The following TSHZ1 variants were observed in gnomAD, a reference collection of about 807,000 sequenced individuals.
The protein encoded by TSHZ1 is teashirt zinc finger homeobox 1, also known as teashirt homolog 1.
Under a neutral mutation model 67.1 loss-of-function variants are expected in TSHZ1, and 12 were observed. That is an observed-to-expected ratio of 0.18 (90% CI 0.11 to 0.29). The LOEUF (loss-of-function observed/expected upper bound fraction) is 0.29. TSHZ1 is among the 10% of genes least tolerant of loss of function. TSHZ1 has a pLI of 1.00. For synonymous variants in TSHZ1, 632 were observed against 622.4 expected, an observed-to-expected ratio of 1.02 and a Z score of -0.23; for missense variants, 1,305 against 1,413.9, an observed-to-expected ratio of 0.92 and a Z score of 1.23.
intron 1 of TSHZ1, among the ~76,000 whole-genome samples, chr18:75,229,911 A>T (rs188518249): frequency 5.3e-5 from 8 of 152,372 alleles, no homozygotes; most frequent in Admixed American, 3.9e-4. Flanking sequence ...AAACAGGAAA[A>T]TACCATCTGG....
intron 1 of TSHZ1, among the ~76,000 whole-genome samples, chr18:75,279,966 C>T (rs1320289015): frequency 6.6e-6 from 1 of 152,128 alleles, no homozygotes; most frequent in Non-Finnish European, 1.5e-5. Flanking sequence ...TACAGATATT[C>T]GTGAAGAACC....
At chr18:75,213,867 G>A (rs1300161122) in intron 1 of TSHZ1, among the ~76,000 whole-genome samples, 1 of 152,168 alleles carries the variant, frequency 6.6e-6, no homozygotes, top group African/African-American at 2.4e-5. Flanking sequence ...TCAAAATGCT[G>A]CAAAGTGATG....
At chr18:75,241,318 A>G (rs187342628) in intron 1 of TSHZ1, among the ~76,000 whole-genome samples, 240 of 152,222 alleles carry the variant, frequency 1.6e-3, no homozygotes, top group African/African-American at 5.7e-3. Context: ...CTCCCCTGTA[A>G]AAGCGATTGG....
At chr18:75,262,654 C>CA (rs2023444704) in intron 1 of TSHZ1, among the ~76,000 whole-genome samples, 1 of 152,210 alleles carries the variant, frequency 6.6e-6, no homozygotes, top group Admixed American at 6.5e-5. Flanking sequence ...ATGCAACGTT[C>CA]ACTCTGGGAT....
At chr18:75,248,037 G>A (rs1240075672) in intron 1 of TSHZ1, among the ~76,000 whole-genome samples, 1 of 152,124 alleles carries the variant, frequency 6.6e-6, no homozygotes, top group Non-Finnish European at 1.5e-5. Flanking sequence ...AAGCGCACTA[G>A]CCAAATAATT....
chr18:75,285,408 G>T, intron 1 of TSHZ1, 40 bp from the exon 2 acceptor site: 1 of 1,424,050 alleles, frequency 7.0e-7, no homozygotes, highest in South Asian at 1.6e-5. Flanking sequence ...CTTTGAAGAT[G>T]ATTTACTTCT....
chr18:75,228,759 C>T (rs946476349), intron 1 of TSHZ1, among the ~76,000 whole-genome samples: 9 of 152,186 alleles, frequency 5.9e-5, no homozygotes, highest in Non-Finnish European at 1.0e-4. Context: ...AACCTCTCAA[C>T]GGTTGGTCCT....
chr18:75,218,764 G>A (rs1007041153), intron 1 of TSHZ1, among the ~76,000 whole-genome samples: 20 of 152,212 alleles, frequency 1.3e-4, no homozygotes, highest in African/African-American at 4.8e-4. Context: ...CCGGGACAAG[G>A]CTCAAGTTCA....
At position 75,264,484 on chromosome 18, in the gene TSHZ1, ATTTTTT is replaced by A. The variant is rs60144564; in HGVS notation, c.41-20950_41-20945del. On this transcript the variant is annotated intron_variant, in intron 1 of 1. Transcript: ENST00000580243. ...CTCCCAGGAACTATTACACTGACAGATTTTTTTTTTTTTTTTTTTAAGTGTAGGAGA... is the reference window on the plus strand; with the variant it reads ...CTCCCAGGAACTATTACACTGACAGATTTTTTTTTTTTTAAGTGTAGGAGA... Among the ~76,000 whole-genome samples the A allele has an allele frequency of 9.5e-3, 1,390 of 146,284 alleles. 14 individuals are homozygous for A. The highest frequency in any genetic ancestry group is 0.023 in the African/African-American group (920 of 39,654).
In TSHZ1 at chr18:75,288,695, A is replaced by C. The variant is rs1029192345; in HGVS notation, c.*54A>C. On this transcript the variant is annotated 3_prime_UTR_variant, in exon 2 of 2. Coordinates refer to ENST00000580243, the MANE Select transcript of TSHZ1 (RefSeq NM_001308210.2). The surrounding 1 kb of genome is among the most constrained non-coding windows in gnomAD (Gnocchi z 4.9). ...ATTGCACTAAACGTCGTCGAGCTGC[A>C]CTAGGCCTGGCCTGAGCCTCTGAAA... 1.3e-6 allele frequency: 2 copies of C among 1,526,492 alleles called. No individual in the cohort carries two copies. Among genetic ancestry groups the C allele is most frequent in the Non-Finnish European group, 1.8e-6 (2 of 1,138,872 alleles). 94.6% of individuals were successfully genotyped at this position (1,526,492 alleles called of 1,614,324 possible).
chr18:75,279,708 G>A (rs1377358708), intron 1 of TSHZ1, among the ~76,000 whole-genome samples: 1 of 152,314 alleles, frequency 6.6e-6, no homozygotes, highest in East Asian at 1.9e-4. Flanking sequence ...CATCCCTGAT[G>A]GTTCCAAATC....
In TSHZ1 at chr18:75,285,518, T is replaced by C; in HGVS notation, c.111T>C (p.Ser37=). 1 of 1,545,928 alleles carries C rather than the reference T, an allele frequency of 6.5e-7. No individual in the cohort carries two copies. The highest frequency in any genetic ancestry group is 1.9e-5 in the Admixed American group (1 of 53,370). The stretch of plus-strand genomic sequence containing the variant: ...AGCACGTGGAGGATGACGGGCTGTC[T>C]TTGGACATTCAGGAAAGTGAGTACA... The part of the protein sequence containing the change: ...DEEHVEDDGL[S]LDIQESEYMC... The change falls in exon 2 of 2, where the codon TCT becomes TCC. Residue 37 remains serine, a synonymous_variant. Coordinates refer to ENST00000580243, the MANE Select transcript of TSHZ1 (RefSeq NM_001308210.2).
chr18:75,241,969 C>T (rs1366597384), intron 1 of TSHZ1, among the ~76,000 whole-genome samples: 1 of 148,472 alleles, frequency 6.7e-6, no homozygotes, highest in Admixed American at 6.8e-5. Flanking sequence ...CCCAGCTTAA[C>T]TAATTATATC....
At chr18:75,275,968 T>C (rs1029469396) in intron 1 of TSHZ1, among the ~76,000 whole-genome samples, 4 of 152,234 alleles carry the variant, frequency 2.6e-5, no homozygotes, top group African/African-American at 9.6e-5. Flanking sequence ...CTCTTTTTCT[T>C]CCTGACACCA....
At chr18:75,257,797 TC>T (rs1352569527) in intron 1 of TSHZ1, among the ~76,000 whole-genome samples, 1 of 152,176 alleles carries the variant, frequency 6.6e-6, no homozygotes, top group African/African-American at 2.4e-5. Flanking sequence ...TTGCACATGT[TC>T]CCGTGGTAAC....
At chr18:75,246,667 T>C (rs1264030079) in intron 1 of TSHZ1, among the ~76,000 whole-genome samples, 1 of 152,100 alleles carries the variant, frequency 6.6e-6, no homozygotes, top group Non-Finnish European at 1.5e-5. Context: ...TGGCTTCAGT[T>C]CTCTGTGTGG....
Position 75,211,843 on chromosome 18 carries a change from GCGGCTGAGGCGA to G in TSHZ1, c.-27_-16del. On this transcript the variant is annotated 5_prime_UTR_variant, in exon 1 of 2. It removes the in-frame stop codon of an upstream open reading frame in the 5' UTR. Coordinates refer to ENST00000580243, the MANE Select transcript of TSHZ1 (RefSeq NM_001308210.2). ...TCCCCGCGCCCCGCGAACTCCGGCG[GCGGCTGAGGCGA>G]CGGCTGCGGCGGCCGAGCAGCATGC... 2.6e-6 allele frequency: 3 copies of G among 1,142,882 alleles called. No individual in the cohort carries two copies. The highest frequency in any genetic ancestry group is 3.2e-6 in the Non-Finnish European group (3 of 931,430). The allele number at this position is 1,142,882 out of a possible 1,614,324, so 70.8% of individuals were successfully genotyped here.
intron 1 of TSHZ1, among the ~76,000 whole-genome samples, chr18:75,222,828 CTTG>C (rs1165039460): frequency 2.0e-5 from 3 of 152,086 alleles, no homozygotes; most frequent in Admixed American, 1.3e-4. Flanking sequence ...AAAGTAGGAT[CTTG>C]TTGTGGTGTT....
At chr18:75,217,463 T>G (rs2022785286) in intron 1 of TSHZ1, among the ~76,000 whole-genome samples, 1 of 152,186 alleles carries the variant, frequency 6.6e-6, no homozygotes, top group South Asian at 2.1e-4. Context: ...TTGTTTTGTT[T>G]TGGTTTCTTG....
Sources: allele counts gnomAD v4.1 joint callset (sites outside exome capture counted in the v4.1 genomes callset), GRCh38; gene constraint gnomAD v4.1.1; non-coding constraint Gnocchi (gnomAD v3.1); transcripts MANE v1.5; gene names NCBI Gene and HGNC (gene_info 2026-07-23, HGNC 2026-07-21).